Variants in PLEKHG1 observed in about 807,000 individuals in gnomAD.
The protein encoded by PLEKHG1 is pleckstrin homology domain-containing family G member 1.
Under a neutral mutation model 100.8 loss-of-function variants are expected in PLEKHG1, and 44 were observed. The ratio of observed to expected loss-of-function variants is 0.44; its 90% CI spans 0.34 to 0.56. PLEKHG1 has a LOEUF of 0.56. Ranked by LOEUF, PLEKHG1 falls within the 20% of genes least tolerant of loss-of-function variation. The pLI, the probability that PLEKHG1 is intolerant of heterozygous loss-of-function variation, is 0.01. For missense variants in PLEKHG1, 1,545 were observed against 1,720.9 expected (o/e 0.90, Z 1.81); for synonymous variants, 640 against 662.5 (o/e 0.97, Z 0.52).
intron 6 of PLEKHG1, among the ~76,000 whole-genome samples, chr6:150,801,732 G>A (rs6911287): frequency 2.6e-5 from 4 of 151,424 alleles, no homozygotes; most frequent in African/African-American, 7.3e-5. Flanking sequence ...GAGCCACCAC[G>A]CCCGTCCTCA....
chr6:150,782,253 A>G (rs536335743), intron 3 of PLEKHG1, among the ~76,000 whole-genome samples: 1 of 152,058 alleles, frequency 6.6e-6, no homozygotes, highest in Non-Finnish European at 1.5e-5. Context: ...CCCTGTCTCT[A>G]CTAAAAATAG....
At chr6:150,733,489 A>C in intron 1 of PLEKHG1, 95 bp from the exon 3 acceptor site, 3 of 1,086,418 alleles carry the variant, frequency 2.8e-6, no homozygotes, top group Non-Finnish European at 3.8e-6. Flanking sequence ...CTTGTTATTG[A>C]CTGTATTTAT....
rs531781878 is a variant in PLEKHG1, at chr6:150,696,575, G to A, written c.-98-37009G>A. On this transcript the variant is annotated intron_variant, in intron 3 of 3. Transcript: ENST00000367326. ...TTCAGCCCCGTTAATCTGACTTTGT[G>A]GGTGTGTTTCATAACAACAGCAGCT... Among the ~76,000 whole-genome samples, 5 of 152,230 alleles carry A rather than the reference G, an allele frequency of 3.3e-5. No homozygotes were observed. The East Asian group carries it at 9.6e-4, about 29-fold the overall frequency.
At chr6:150,811,273 G>T (rs74495305) in intron 10 of PLEKHG1, among the ~76,000 whole-genome samples, 34 of 137,750 alleles carry the variant, frequency 2.5e-4, no homozygotes, top group African/African-American at 7.5e-4. Context: ...GATAGGGAAT[G>T]TTTTTTTTTT....
In PLEKHG1 at chr6:150,840,102, C is replaced by T; in HGVS notation, c.3364C>T (p.Gln1122Ter). ...GATCAATACAAAAAGTACTCCCAGG[C>T]AATTGTCCGCAGCTTGCTCTGTGCC... The change falls in exon 16 of 16, where the codon CAA becomes TAA. Residue 1122 changes from glutamine (Q) to a stop codon, truncating the protein, a stop_gained. Transcript: ENST00000358517. LOFTEE classifies it low-confidence loss of function (END_TRUNC). 6.2e-7 allele frequency: 1 copy of T among 1,614,238 alleles called. No individual in the cohort carries two copies. The highest frequency in any genetic ancestry group is 8.5e-7 in the Non-Finnish European group (1 of 1,180,044).
chr6:150,789,762 A>C (rs558393003), intron 4 of PLEKHG1, among the ~76,000 whole-genome samples: 2 of 152,322 alleles, frequency 1.3e-5, no homozygotes, highest in South Asian at 4.1e-4. Flanking sequence ...AAAAAGTATG[A>C]GCCAATCAGA....
intron 11 of PLEKHG1, among the ~76,000 whole-genome samples, chr6:150,819,170 T>C (rs1776157276): frequency 1.3e-5 from 2 of 150,550 alleles, no homozygotes; most frequent in Admixed American, 6.6e-5. Context: ...TCATCCCAGC[T>C]AATAGACTCC....
chr6:150,693,005 T>C (rs1458049883), intron 3 of PLEKHG1, among the ~76,000 whole-genome samples: 2 of 152,208 alleles, frequency 1.3e-5, no homozygotes, highest in Non-Finnish European at 2.9e-5. Context: ...AGGCCTTAAA[T>C]GTCAAGATAA....
intron 2 of PLEKHG1, among the ~76,000 whole-genome samples, chr6:150,754,936 C>G (rs888735956): frequency 1.3e-5 from 2 of 152,100 alleles, no homozygotes; most frequent in Admixed American, 1.3e-4. Flanking sequence ...TCCCAAAGTG[C>G]TGAGATTACA....
chr6:150,709,650 T>C (rs1781172129), intron 3 of PLEKHG1, among the ~76,000 whole-genome samples: 2 of 152,308 alleles, frequency 1.3e-5, no homozygotes, highest in South Asian at 2.1e-4. Flanking sequence ...TCCAAGAAGA[T>C]AAAATTGTCT....
intron 1 of PLEKHG1, among the ~76,000 whole-genome samples, chr6:150,725,466 C>A (rs769228128): frequency 3.3e-5 from 5 of 152,334 alleles, no homozygotes; most frequent in Non-Finnish European, 7.4e-5. Context: ...CAACCCCTCA[C>A]CTCCTGTTTG....
At chr6:150,617,713 T>C (rs1322294208) in intron 1 of PLEKHG1, among the ~76,000 whole-genome samples, 1 of 152,224 alleles carries the variant, frequency 6.6e-6, no homozygotes, top group Non-Finnish European at 1.5e-5. Context: ...CTAAGTCAGC[T>C]TGTGAAGCCA....
intron 1 of PLEKHG1, among the ~76,000 whole-genome samples, chr6:150,616,712 A>G (rs1199116404): frequency 6.6e-6 from 1 of 152,236 alleles, no homozygotes; most frequent in Non-Finnish European, 1.5e-5. Context: ...TAAAGATGTG[A>G]GTCTTCTTGG....
Position 150,608,193 on chromosome 6 carries a change from T to A in PLEKHG1, c.-204+8176T>A, listed in dbSNP as rs1776681960. The stretch of plus-strand genomic sequence containing the variant: ...GAATTCAGATGGCTTCTAAAAAGCA[T>A]CCTTATTATGAAACACTCTTATTTT... On this transcript the variant is annotated intron_variant, in intron 1 of 3. Coordinates refer to the PLEKHG1 transcript ENST00000367326. Among the ~76,000 whole-genome samples the A allele has an allele frequency of 1.3e-5, 2 of 152,200 alleles. 1 individual carries two copies. The highest frequency in any genetic ancestry group is 4.1e-4 in the South Asian group (2 of 4,832).
intron 7 of PLEKHG1, among the ~76,000 whole-genome samples, chr6:150,806,915 C>T (rs1787149916): frequency 6.6e-6 from 1 of 151,748 alleles, no homozygotes; most frequent in African/African-American, 2.4e-5. Context: ...TTCTGAGTAG[C>T]ATGATGAAAT....
At chr6:150,741,035 G>A (rs1039224263) in intron 2 of PLEKHG1, among the ~76,000 whole-genome samples, 2 of 152,124 alleles carry the variant, frequency 1.3e-5, no homozygotes, top group African/African-American at 2.4e-5. Flanking sequence ...CACAAACCTA[G>A]AAGGTGGCAA....
chr6:150,830,661 C>T (rs1035813412), exon 15 of PLEKHG1: 1 of 1,614,096 alleles, frequency 6.2e-7, no homozygotes, highest in South Asian at 1.1e-5. Flanking sequence ...CCTAGCAGTT[C>T]TACCATGATC....
intron 2 of PLEKHG1, among the ~76,000 whole-genome samples, chr6:150,742,380 C>T (rs1279064586): frequency 1.4e-4 from 21 of 152,192 alleles, no homozygotes; most frequent in Admixed American, 1.3e-3. Context: ...GCCTGGCCAA[C>T]ATGGTGAAAC....
At chr6:150,764,263 T>C (rs899263931) in intron 2 of PLEKHG1, among the ~76,000 whole-genome samples, 1 of 151,996 alleles carries the variant, frequency 6.6e-6, no homozygotes, top group Non-Finnish European at 1.5e-5. Flanking sequence ...GATTAACAGG[T>C]GCCTGCCACC....
Sources: gnomAD v4.1 joint callset for allele counts (sites outside exome capture counted in the v4.1 genomes callset) on GRCh38, gnomAD v4.1.1 for gene constraint, MANE v1.5 for transcripts, NCBI Gene and HGNC (gene_info 2026-07-23, HGNC 2026-07-21) for gene names.